The following UPF3B variants were observed in gnomAD, a reference collection of about 807,000 sequenced individuals.
UPF3B encodes regulator of nonsense transcripts 3B.
In UPF3B, 7 loss-of-function variants were observed where a neutral mutation model predicts 40.3. The ratio of observed to expected loss-of-function variants is 0.17; its 90% CI spans 0.10 to 0.33. The LOEUF (loss-of-function observed/expected upper bound fraction) is 0.33, where lower values mean the gene tolerates loss of function less well. Ranked by LOEUF, UPF3B falls within the 10% of genes least tolerant of loss-of-function variation. UPF3B has a pLI of 1.00. For synonymous variants in UPF3B, 117 were observed against 117.3 expected (o/e 1.00, Z 0.01); for missense variants, 229 against 358.9 (o/e 0.64, Z 2.93).
chrX:119,850,235 G>T (rs899795157), intron 3 of UPF3B, among the ~76,000 whole-genome samples: 1 of 111,693 alleles, frequency 9.0e-6, no homozygotes, highest in Non-Finnish European at 1.9e-5. Flanking sequence ...GGAATTCCAG[G>T]CTGCAGTGAG....
rs957769042 is a variant in UPF3B, at chrX:119,852,033, C to T, written c.157-160G>A. ...CTGCAGCCCAATGCTCAGAATTAGT[C>T]AAACATAATAGTAACGCGGTTTAAA... is the stretch of plus-strand genomic sequence containing the variant. On this transcript the variant is annotated intron_variant, in intron 1 of 10. Coordinates refer to ENST00000276201, the MANE Select transcript of UPF3B (RefSeq NM_080632.3). 1.4e-4 allele frequency among the ~76,000 whole-genome samples: 15 copies of T among 109,767 alleles called. 1 individual carries two copies. The highest frequency in any genetic ancestry group is 5.0e-4 in the African/African-American group (15 of 30,091).
At chrX:119,811,042 C>CTT (rs545707798) in intron 5 of UPF3B, among the ~76,000 whole-genome samples, 2 of 102,152 alleles carry the variant, frequency 2.0e-5, no homozygotes, top group Non-Finnish European at 2.0e-5. Context: ...TTTCCACAAA[C>CTT]TTTTTTTTTT....
chrX:119,851,154 G>T (rs191072974), intron 3 of UPF3B, among the ~76,000 whole-genome samples: 2 of 112,286 alleles, frequency 1.8e-5, no homozygotes, highest in Non-Finnish European at 3.8e-5. Context: ...GTTTGTCCTC[G>T]AAGCAAAATA....
At chrX:119,831,256 T>C (rs1428841041), downstream of UPF3B, among the ~76,000 whole-genome samples, 1 of 111,339 alleles carries the variant, frequency 9.0e-6, no homozygotes, top group East Asian at 2.8e-4. Flanking sequence ...CATGTGCCCT[T>C]TGGCTGCCTA....
At chrX:119,828,635 G>A (rs1191980409) in intron 3 of UPF3B, among the ~76,000 whole-genome samples, 1 of 107,368 alleles carries the variant, frequency 9.3e-6, no homozygotes, top group Non-Finnish European at 1.9e-5. Flanking sequence ...CTGTGCCACT[G>A]CACTCCAGCT....
intron 4 of UPF3B, among the ~76,000 whole-genome samples, chrX:119,819,300 T>A (rs1432805535): frequency 9.1e-6 from 1 of 110,304 alleles, no homozygotes; most frequent in Middle Eastern, 4.2e-3. Context: ...GATCCTCCCA[T>A]CTCGGCCTCC....
At chrX:119,823,400 A>G (rs2055942720) in intron 3 of UPF3B, among the ~76,000 whole-genome samples, 1 of 110,123 alleles carries the variant, frequency 9.1e-6, no homozygotes, top group Admixed American at 9.8e-5. Context: ...GTGCTACCAC[A>G]TTGGGTTTTT....
intron 9 of UPF3B, 132 bp from the exon 10 acceptor site, chrX:119,838,183 T>A: frequency 1.0e-6 from 1 of 973,595 alleles, no homozygotes; most frequent in Non-Finnish European, 1.4e-6. Flanking sequence ...ACTAGTGTTT[T>A]AAGAAGGAAC....
intron 3 of UPF3B, among the ~76,000 whole-genome samples, chrX:119,846,505 TAA>T (rs780880120): frequency 0.071 from 4,141 of 57,962 alleles, 92 homozygotes; most frequent in Middle Eastern, 0.21. Flanking sequence ...TCGAGCCTGG[TAA>T]AAAAAAAAAA....
chrX:119,831,436 A>T (rs1220343151), downstream of UPF3B, among the ~76,000 whole-genome samples: 3 of 110,094 alleles, frequency 2.7e-5, no homozygotes, highest in Non-Finnish European at 5.7e-5. Flanking sequence ...ATTCTGCTGC[A>T]GCCTCCCAAG....
chrX:119,840,393 T>C (rs781034859), intron 8 of UPF3B, among the ~76,000 whole-genome samples: 2 of 111,521 alleles, frequency 1.8e-5, no homozygotes, highest in African/African-American at 6.5e-5. Context: ...AAGAACTATA[T>C]AGGCATGGTT....
chrX:119,851,040 G>A (rs1206472940), intron 3 of UPF3B, among the ~76,000 whole-genome samples: 1 of 112,643 alleles, frequency 8.9e-6, no homozygotes, highest in Non-Finnish European at 1.9e-5. Flanking sequence ...ACACCAGGCC[G>A]AGATGTATCA....
chrX:119,836,492 G>A (rs2056093841), intron 10 of UPF3B, among the ~76,000 whole-genome samples: 1 of 111,057 alleles, frequency 9.0e-6, no homozygotes, highest in South Asian at 3.8e-4. Context: ...AATATTAATA[G>A]AGTATTTATC....
At position 119,852,947 on chromosome X, in the gene UPF3B, A is replaced by C. The variant is rs1197035201; in HGVS notation, c.-19T>G. ...CCTTCATGGCTACGTCCCCCGCTGA[A>C]GCGGCTTGGCCGGAACGGGGTTACC... On this transcript the variant is annotated 5_prime_UTR_variant, in exon 1 of 11. Coordinates refer to ENST00000276201, the MANE Select transcript of UPF3B (RefSeq NM_080632.3). 1 of 1,211,837 alleles carries C rather than the reference A, an allele frequency of 8.3e-7. No homozygotes were observed.
chrX:119,831,117 T>C (rs1338628616), downstream of UPF3B, among the ~76,000 whole-genome samples: 1 of 112,193 alleles, frequency 8.9e-6, no homozygotes, highest in Non-Finnish European at 1.9e-5. Context: ...GATGAAATTG[T>C]ACTTCCAATT....
intron 5 of UPF3B, among the ~76,000 whole-genome samples, chrX:119,842,452 G>A (rs918407007): frequency 1.8e-5 from 2 of 109,332 alleles, no homozygotes; most frequent in African/African-American, 3.3e-5. Flanking sequence ...GCGTGGTGGC[G>A]GACACCTGTA....
intron 7 of UPF3B, 129 bp from the exon 8 acceptor site, chrX:119,840,813 A>G: frequency 2.9e-6 from 2 of 695,505 alleles, no homozygotes; most frequent in African/African-American, 4.3e-5. Flanking sequence ...AGAGGACAAT[A>G]GTCTAAAAAT....
intron 3 of UPF3B, among the ~76,000 whole-genome samples, chrX:119,849,693 TC>T (rs1041759192): frequency 9.1e-6 from 1 of 110,312 alleles, no homozygotes; most frequent in Non-Finnish European, 1.9e-5. Flanking sequence ...TTGGACTTTT[TC>T]CCCCAACTGT....
chrX:119,819,842 C>CTTTTTTTTTTTTTTTTTTTTTTTT (rs34094727), intron 4 of UPF3B, among the ~76,000 whole-genome samples: 1 of 68,644 alleles, frequency 1.5e-5, no homozygotes, highest in Non-Finnish European at 2.8e-5. Flanking sequence ...TCTATTTTTC[C>CTTTTTTTTTTTTTTTTTTTTTTTT]TTTTTTTTTT....
Sources: allele counts gnomAD v4.1 joint callset (sites outside exome capture counted in the v4.1 genomes callset), GRCh38; gene constraint gnomAD v4.1.1; transcripts MANE v1.5; gene names NCBI Gene and HGNC (gene_info 2026-07-23, HGNC 2026-07-21).